Variants in TNFRSF21 observed in about 807,000 individuals in gnomAD.
TNFRSF21 encodes the protein TNF receptor superfamily member 21.
A neutral mutation model predicts 45.6 loss-of-function variants in TNFRSF21; 19 were observed. That is an observed-to-expected ratio of 0.42 (90% CI 0.29 to 0.61). The LOEUF (loss-of-function observed/expected upper bound fraction) is 0.61, where lower values mean the gene tolerates loss of function less well. Among genes scored for constraint, TNFRSF21 ranks in the 20% least tolerant of loss-of-function variants. The pLI is 0.23. For missense variants in TNFRSF21, 737 were observed against 851.5 expected, an observed-to-expected ratio of 0.87 and a Z score of 1.67; for synonymous variants, 314 against 335.5, an observed-to-expected ratio of 0.94 and a Z score of 0.70.
At chr6:47,302,494 T>C (rs908493220) in intron 1 of TNFRSF21, among the ~76,000 whole-genome samples, 3 of 152,272 alleles carry the variant, frequency 2.0e-5, no homozygotes, top group Admixed American at 2.0e-4. Flanking sequence ...CCATTCCCTA[T>C]TTATAACATT....
chr6:47,264,929 T>TC (rs1473177181), intron 3 of TNFRSF21, among the ~76,000 whole-genome samples: 1 of 152,172 alleles, frequency 6.6e-6, no homozygotes, highest in Non-Finnish European at 1.5e-5. Flanking sequence ...CAGCCTGGCT[T>TC]CCTGGTGTTT....
At chr6:47,267,246 G>A (rs1013929011) in intron 3 of TNFRSF21, among the ~76,000 whole-genome samples, 10 of 151,762 alleles carry the variant, frequency 6.6e-5, no homozygotes, top group South Asian at 2.1e-4. Flanking sequence ...CTACAGGCAC[G>A]CACCACTACG....
At chr6:47,261,094 C>A (rs113187493) in intron 3 of TNFRSF21, among the ~76,000 whole-genome samples, 6 of 151,634 alleles carry the variant, frequency 4.0e-5, no homozygotes, top group Admixed American at 2.6e-4. Flanking sequence ...CCTTCTAACA[C>A]CCCCCCAAAC....
chr6:47,237,432 T>C (rs542803424), intron 4 of TNFRSF21, among the ~76,000 whole-genome samples: 1 of 152,332 alleles, frequency 6.6e-6, no homozygotes, highest in Non-Finnish European at 1.5e-5. Context: ...GTCATCGGAA[T>C]ATGTGAAATA....
chr6:47,297,546 G>A (rs979700443), intron 1 of TNFRSF21, among the ~76,000 whole-genome samples: 2 of 125,138 alleles, frequency 1.6e-5, no homozygotes, highest in East Asian at 2.5e-4. Flanking sequence ...TTTTTGAGAC[G>A]AAGTCTCGCT....
intron 3 of TNFRSF21, among the ~76,000 whole-genome samples, chr6:47,266,389 G>A (rs1199071688): frequency 6.6e-6 from 1 of 152,098 alleles, no homozygotes; most frequent in African/African-American, 2.4e-5. Flanking sequence ...CATTTTTGCT[G>A]GCTTGCTAGG....
chr6:47,285,671 C>T (rs1489113614), intron 2 of TNFRSF21, among the ~76,000 whole-genome samples: 1 of 152,172 alleles, frequency 6.6e-6, no homozygotes, highest in African/African-American at 2.4e-5. Flanking sequence ...TAAGGTCACA[C>T]GCTGTCCTTG....
At chr6:47,252,198 G>T (rs528727321) in intron 4 of TNFRSF21, among the ~76,000 whole-genome samples, 1 of 152,298 alleles carries the variant, frequency 6.6e-6, no homozygotes, top group South Asian at 2.1e-4. Flanking sequence ...TACACAAAAT[G>T]TGATATAGAA....
At chr6:47,307,920 G>T (rs1762962020) in intron 1 of TNFRSF21, among the ~76,000 whole-genome samples, 1 of 152,270 alleles carries the variant, frequency 6.6e-6, no homozygotes, top group South Asian at 2.1e-4. Context: ...AAAAGGAAAT[G>T]ATGATAGTTC....
intron 3 of TNFRSF21, among the ~76,000 whole-genome samples, chr6:47,261,204 T>C (rs1256985484): frequency 1.3e-5 from 2 of 152,136 alleles, no homozygotes; most frequent in African/African-American, 4.8e-5. Context: ...ACAGCAACTA[T>C]ACAAAGCAAC....
Position 47,250,122 on chromosome 6 carries a change from GA to G in TNFRSF21, c.1509+3133del, listed in dbSNP as rs1294643134. Among the ~76,000 whole-genome samples the G allele has an allele frequency of 2.0e-5, 3 of 151,874 alleles. No homozygotes were observed. The East Asian group carries it at 5.8e-4, about 29-fold the overall frequency. On this transcript the variant is annotated intron_variant, in intron 4 of 5. Transcript: ENST00000296861. ...TCAAAAGCTATCAGACTAGATTTAA[GA>G]AAAAAATCTGAAATATATGCTTCTT...
In TNFRSF21 at chr6:47,284,213, T is replaced by C. The variant is rs1451699953; in HGVS notation, c.968A>G (p.Lys323Arg). The C allele has an allele frequency of 6.2e-7, 1 of 1,613,974 alleles. No individual in the cohort carries two copies. The highest frequency in any genetic ancestry group is 8.5e-7 in the Non-Finnish European group (1 of 1,180,000). Residue 323 changes from lysine to arginine, a missense_variant, in exon 3 of 6, where the codon AAG (lysine) becomes AGG (arginine). Physicochemically the swap from Lys to Arg is conservative, Grantham distance 26. Coordinates refer to ENST00000296861, the MANE Select transcript of TNFRSF21 (RefSeq NM_014452.5). ...GGGGCCCTTGATGGGCGTGCTGGAC[T>C]TCTCGCCCCCAGTGGCCTCCATGGA... is the stretch of plus-strand genomic sequence containing the variant. The part of the protein sequence containing the change: ...LPSMEATGGE[K>R]SSTPIKGPKR...
intron 5 of TNFRSF21, 69 bp downstream of exon 5, chr6:47,234,601 G>C: frequency 7.9e-7 from 1 of 1,270,858 alleles, no homozygotes; most frequent in Non-Finnish European, 1.1e-6. Context: ...TGTGGACGGG[G>C]AGGGACGAAT....
chr6:47,235,108 T>G (rs1764647928), intron 4 of TNFRSF21, among the ~76,000 whole-genome samples: 1 of 152,110 alleles, frequency 6.6e-6, no homozygotes, highest in African/African-American at 2.4e-5. Flanking sequence ...GCATGAGTAC[T>G]AAAAACGGGG....
chr6:47,281,638 C>G (rs1476825145), intron 3 of TNFRSF21, among the ~76,000 whole-genome samples: 3 of 152,116 alleles, frequency 2.0e-5, no homozygotes, highest in Non-Finnish European at 4.4e-5. Context: ...GCCTCGGCCT[C>G]CCAAAGTGCT....
chr6:47,296,738 T>TGGGCATGGA (rs1186250219), intron 1 of TNFRSF21, among the ~76,000 whole-genome samples: 1 of 152,230 alleles, frequency 6.6e-6, no homozygotes, highest in African/African-American at 2.4e-5. Context: ...AGGATGGGGA[T>TGGGCATGGA]GGGCATGGAA....
At chr6:47,300,442 T>C (rs1172007522) in intron 1 of TNFRSF21, among the ~76,000 whole-genome samples, 1 of 152,196 alleles carries the variant, frequency 6.6e-6, no homozygotes, top group East Asian at 1.9e-4. Flanking sequence ...TACTGTAAAA[T>C]GTGCTAACTG....
chr6:47,251,219 G>A (rs1409583775), intron 4 of TNFRSF21, among the ~76,000 whole-genome samples: 1 of 152,144 alleles, frequency 6.6e-6, no homozygotes, highest in Non-Finnish European at 1.5e-5. Flanking sequence ...CCAAAACGCT[G>A]CTAGACATTG....
At chr6:47,267,099 T>G (rs1762344880) in intron 3 of TNFRSF21, among the ~76,000 whole-genome samples, 1 of 151,146 alleles carries the variant, frequency 6.6e-6, no homozygotes, top group African/African-American at 2.5e-5. Flanking sequence ...TTTCTTTTTT[T>G]TTTTTGTTTT....
Sources: gnomAD v4.1 joint callset for allele counts (sites outside exome capture counted in the v4.1 genomes callset) on GRCh38, gnomAD v4.1.1 for gene constraint, MANE v1.5 for transcripts, NCBI Gene and HGNC (gene_info 2026-07-23, HGNC 2026-07-21) for gene names.